The following BBX variants were observed in gnomAD, a reference collection of about 807,000 sequenced individuals.
BBX encodes the protein HMG box transcription factor BBX.
BBX carries 30 observed loss-of-function variants against 100.2 expected under a neutral mutation model. That is an observed-to-expected ratio of 0.30 (90% CI 0.22 to 0.41). BBX has a LOEUF of 0.41. Ranked by LOEUF, BBX falls within the 10% of genes least tolerant of loss-of-function variation. The pLI, the probability that BBX is intolerant of heterozygous loss-of-function variation, is 1.00. For missense variants in BBX, 1,023 were observed against 1,129.8 expected (o/e 0.91, Z 1.35); for synonymous variants, 376 against 388.1 (o/e 0.97, Z 0.37).
chr3:107,659,686 C>T, intron 3 of BBX: 2 of 1,254,962 alleles, frequency 1.6e-6, no homozygotes, highest in Non-Finnish European at 2.1e-6. Flanking sequence ...CTCCTAACCA[C>T]ACCACCACAC....
At chr3:107,724,589 G>A (rs1281763888) in intron 5 of BBX, among the ~76,000 whole-genome samples, 2 of 152,124 alleles carry the variant, frequency 1.3e-5, no homozygotes, top group Non-Finnish European at 2.9e-5. Context: ...TTTGTATAAG[G>A]TGTAAGGAAG....
At chr3:107,725,501 A>G (rs1365186991) in intron 5 of BBX, among the ~76,000 whole-genome samples, 1 of 152,148 alleles carries the variant, frequency 6.6e-6, no homozygotes, top group African/African-American at 2.4e-5. Context: ...TTCAAAGGGA[A>G]TGCTTCCAGT....
chr3:107,631,927 GAGA>G (rs931489744), intron 2 of BBX, among the ~76,000 whole-genome samples: 8 of 152,252 alleles, frequency 5.3e-5, no homozygotes, highest in Non-Finnish European at 8.8e-5. Flanking sequence ...GTATTTATGG[GAGA>G]AGAAGATATT....
chr3:107,559,730 T>C (rs2050340282), intron 2 of BBX, among the ~76,000 whole-genome samples: 1 of 152,172 alleles, frequency 6.6e-6, no homozygotes, highest in Non-Finnish European at 1.5e-5. Context: ...GTCAGTGTTA[T>C]TAGGATTAGA....
chr3:107,718,732 A>G (rs1172543223), intron 5 of BBX, among the ~76,000 whole-genome samples: 1 of 152,074 alleles, frequency 6.6e-6, no homozygotes, highest in Non-Finnish European at 1.5e-5. Context: ...ATCCCTTACT[A>G]ATTACTTAAT....
chr3:107,661,222 T>G (rs1275421157), intron 3 of BBX, among the ~76,000 whole-genome samples: 1 of 152,074 alleles, frequency 6.6e-6, no homozygotes, highest in Non-Finnish European at 1.5e-5. Context: ...GATAGAAAAA[T>G]TTTATCCTTA....
chr3:107,585,805 T>C (rs1672837470), intron 2 of BBX, among the ~76,000 whole-genome samples: 1 of 152,206 alleles, frequency 6.6e-6, no homozygotes, highest in Non-Finnish European at 1.5e-5. Flanking sequence ...AGTGAACTTA[T>C]TTTAATTATG....
At chr3:107,795,207 A>C (rs902089025) in intron 15 of BBX, among the ~76,000 whole-genome samples, 1 of 152,032 alleles carries the variant, frequency 6.6e-6, no homozygotes, top group African/African-American at 2.4e-5. Context: ...AACTTTTTTC[A>C]TCTCATGTCC....
At chr3:107,722,210 A>G (rs1043812083) in intron 5 of BBX, among the ~76,000 whole-genome samples, 2 of 152,026 alleles carry the variant, frequency 1.3e-5, no homozygotes, top group Admixed American at 6.6e-5. Context: ...AAATATTCAA[A>G]TAAATTTATA....
intron 3 of BBX, among the ~76,000 whole-genome samples, chr3:107,679,590 A>G (rs963527207): frequency 6.6e-6 from 1 of 152,220 alleles, no homozygotes; most frequent in Non-Finnish European, 1.5e-5. Flanking sequence ...GTGGCTAGCA[A>G]CATTGAAAAG....
At chr3:107,801,879 G>A (rs1182159809) in intron 17 of BBX, among the ~76,000 whole-genome samples, 1 of 152,158 alleles carries the variant, frequency 6.6e-6, no homozygotes, top group African/African-American at 2.4e-5. Context: ...CAACTCTTCT[G>A]TGATTTCCTA....
chr3:107,775,229 A>C (rs148090369), intron 12 of BBX, among the ~76,000 whole-genome samples: 92 of 152,292 alleles, frequency 6.0e-4, no homozygotes, highest in African/African-American at 2.1e-3. Flanking sequence ...TTTATTGTTT[A>C]TAAAATGACA....
chr3:107,775,000 G>C, intron 12 of BBX, 143 bp downstream of exon 12: 1 of 911,018 alleles, frequency 1.1e-6, no homozygotes, highest in Non-Finnish European at 1.6e-6. Context: ...AGGCACCCTA[G>C]TGAACACAAA....
chr3:107,550,043 A>T (rs1266850256), intron 2 of BBX, among the ~76,000 whole-genome samples: 1 of 151,914 alleles, frequency 6.6e-6, no homozygotes. Context: ...TCATTTATAG[A>T]TATTAATTTT....
chr3:107,784,133 C>T (rs2107873145), intron 13 of BBX, among the ~76,000 whole-genome samples: 1 of 152,136 alleles, frequency 6.6e-6, no homozygotes, highest in South Asian at 2.1e-4. Context: ...AACAACCCTA[C>T]TGCCATCAAG....
intron 2 of BBX, among the ~76,000 whole-genome samples, chr3:107,573,192 CTCCGTGAAGA>C (rs1204720001): frequency 2.0e-5 from 3 of 152,274 alleles, no homozygotes; most frequent in Admixed American, 1.3e-4. Flanking sequence ...AAGAAGCATT[CTCCGTGAAGA>C]TTTAGTATAT....
chr3:107,732,000 G>A (rs897580217), intron 6 of BBX, among the ~76,000 whole-genome samples: 3 of 152,082 alleles, frequency 2.0e-5, no homozygotes, highest in African/African-American at 7.2e-5. Flanking sequence ...AGACTTACAG[G>A]ACACAGGTGC....
At chr3:107,768,654 A>G (rs973496214) in intron 10 of BBX, among the ~76,000 whole-genome samples, 6 of 152,132 alleles carry the variant, frequency 3.9e-5, no homozygotes, top group Admixed American at 2.0e-4. Context: ...AAAATACAGA[A>G]TAGAAGAGAT....
At chr3:107,718,336 A>G (rs2062267479) in intron 5 of BBX, among the ~76,000 whole-genome samples, 1 of 149,330 alleles carries the variant, frequency 6.7e-6, no homozygotes, top group Non-Finnish European at 1.5e-5. Context: ...ATCATACAAG[A>G]CTTCAAAAAT....
Sources: allele counts gnomAD v4.1 joint callset (sites outside exome capture counted in the v4.1 genomes callset), GRCh38; gene constraint gnomAD v4.1.1; transcripts MANE v1.5; gene names NCBI Gene and HGNC (gene_info 2026-07-23, HGNC 2026-07-21).